The following SPACA1 variants were observed in gnomAD, a reference collection of about 807,000 sequenced individuals.
SPACA1 encodes sperm acrosome associated 1.
SPACA1 carries 17 observed loss-of-function variants against 32.6 expected under a neutral mutation model. That is an observed-to-expected ratio of 0.52 (90% CI 0.36 to 0.78). The LOEUF (loss-of-function observed/expected upper bound fraction) is 0.78, where lower values mean the gene tolerates loss of function less well. Ranked by LOEUF, SPACA1 falls within the 30% of genes least tolerant of loss-of-function variation. The probability of loss-of-function intolerance (pLI) is 0.01; values close to 1 mark genes in which losing one functional copy is unlikely to be tolerated. For synonymous variants in SPACA1, 140 were observed against 138.1 expected, an observed-to-expected ratio of 1.01 and a Z score of -0.10; for missense variants, 363 against 373.4, an observed-to-expected ratio of 0.97 and a Z score of 0.23.
intron 1 of SPACA1, among the ~76,000 whole-genome samples, chr6:88,051,854 T>G (rs1351128444): frequency 6.6e-6 from 1 of 152,246 alleles, no homozygotes; most frequent in African/African-American, 2.4e-5. Context: ...AATTCTGGAT[T>G]CAGTCAGCAT....
At chr6:88,053,883 AGG>A (rs1775766328) in intron 1 of SPACA1, 61 bp from the exon 2 acceptor site, 3 of 1,361,446 alleles carry the variant, frequency 2.2e-6, no homozygotes, top group Admixed American at 3.6e-5. Context: ...TCCAAGTAAG[AGG>A]TGTTTCACTT....
intron 2 of SPACA1, among the ~76,000 whole-genome samples, chr6:88,056,004 G>A (rs571167090): frequency 6.6e-6 from 1 of 152,078 alleles, no homozygotes; most frequent in African/African-American, 2.4e-5. Flanking sequence ...CAAAAAACCT[G>A]TTTTAAAAAT....
At chr6:88,064,963 T>G (rs1261641455) in intron 6 of SPACA1, among the ~76,000 whole-genome samples, 2 of 148,572 alleles carry the variant, frequency 1.3e-5, no homozygotes, top group Non-Finnish European at 3.0e-5. Flanking sequence ...TTACCTCATA[T>G]CTAAGAAGTG....
chr6:88,058,885 C>A, intron 4 of SPACA1, 63 bp downstream of exon 4: 2 of 1,096,726 alleles, frequency 1.8e-6, no homozygotes, highest in Non-Finnish European at 1.3e-6. Flanking sequence ...TTTCTCAGTT[C>A]TGATGGCTTT....
chr6:88,064,763 A>T (rs1480814596), intron 6 of SPACA1, among the ~76,000 whole-genome samples: 1 of 148,946 alleles, frequency 6.7e-6, no homozygotes, highest in East Asian at 1.9e-4. Context: ...TATATTGTAT[A>T]TACAATATAC....
intron 1 of SPACA1, 35 bp downstream of exon 1, chr6:88,048,148 G>A (rs1219366163): frequency 6.5e-7 from 1 of 1,547,898 alleles, no homozygotes. Flanking sequence ...GGCACGCGGA[G>A]GCCCCTGTTG....
chr6:88,064,357 C>A, intron 6 of SPACA1, 138 bp downstream of exon 6: 1 of 764,888 alleles, frequency 1.3e-6, no homozygotes, highest in South Asian at 2.8e-5. Flanking sequence ...TTCATTACTC[C>A]TGTGACTGCC....
At position 88,058,753 on chromosome 6, in the gene SPACA1, A is replaced by T; in HGVS notation, c.405A>T (p.Arg135Ser). 3 of 1,613,908 alleles carry T rather than the reference A, an allele frequency of 1.9e-6. No homozygotes were observed. Among genetic ancestry groups the T allele is most frequent in the Non-Finnish European group, 2.5e-6 (3 of 1,179,928 alleles). The change falls in exon 4 of 7, where the codon AGA becomes AGT. Residue 135 changes from arginine to serine, a missense_variant. By Grantham distance (110) the Arg-to-Ser change is moderately radical (BLOSUM62 -1). Coordinates refer to ENST00000237201, the MANE Select transcript of SPACA1 (RefSeq NM_030960.3). ...TTTCAGAAAGTCTTGAAAGTGTTAG[A>T]TTGGCATGTATTCACACATCTCCCT... is the stretch of plus-strand genomic sequence containing the variant. ...KPISESLESV[R>S]LACIHTSPLN...
intron 5 of SPACA1, among the ~76,000 whole-genome samples, chr6:88,063,433 T>C (rs892331836): frequency 3.9e-5 from 6 of 152,276 alleles, no homozygotes; most frequent in Admixed American, 3.9e-4. Context: ...AGTAAACAAA[T>C]CTTTACACAA....
At chr6:88,064,268 T>C in intron 6 of SPACA1, 49 bp downstream of exon 6, 1 of 1,566,570 alleles carries the variant, frequency 6.4e-7, no homozygotes, top group Non-Finnish European at 8.7e-7. Flanking sequence ...CATCCTCTTC[T>C]TCCCCCTCCT....
chr6:88,066,273 C>G lies in SPACA1; in HGVS notation c.823C>G (p.Leu275Val), dbSNP rs780640791. ...SSVRYKDSTSLDQLPTEMPGE... is the reference protein window; with the variant it reads ...SSVRYKDSTSVDQLPTEMPGE... ...TGTGAGATACAAAGATTCAACTTCT[C>G]TTGACCAATTACCAACAGAAATGCC... The change falls in exon 7 of 7, where the codon CTT becomes GTT. Residue 275 changes from leucine to valine, a missense_variant. Physicochemically the swap from Leu to Val is conservative, Grantham distance 32. Transcript: ENST00000237201. 1.2e-6 allele frequency: 2 copies of G among 1,612,456 alleles called. No homozygotes were observed. Among genetic ancestry groups the G allele is most frequent in the African/African-American group, 2.7e-5 (2 of 74,876 alleles).
intron 2 of SPACA1, among the ~76,000 whole-genome samples, chr6:88,056,491 G>A (rs1056265153): frequency 4.6e-5 from 7 of 151,984 alleles, no homozygotes; most frequent in African/African-American, 1.7e-4. Flanking sequence ...ACTATTCAAC[G>A]TGCGGTCCAC....
At chr6:88,058,863 T>C (rs760161761) in intron 4 of SPACA1, 41 bp downstream of exon 4, 3 of 1,370,120 alleles carry the variant, frequency 2.2e-6, no homozygotes, top group African/African-American at 2.9e-5. Context: ...TTCTAGTGAG[T>C]GATAAAATTT....
chr6:88,055,291 G>A (rs138862423), intron 2 of SPACA1, among the ~76,000 whole-genome samples: 1 of 152,178 alleles, frequency 6.6e-6, no homozygotes, highest in African/African-American at 2.4e-5. Flanking sequence ...TGCCTACTAT[G>A]TGCCAGGCAT....
At chr6:88,058,005 T>C (rs533322433) in intron 3 of SPACA1, among the ~76,000 whole-genome samples, 1 of 152,336 alleles carries the variant, frequency 6.6e-6, no homozygotes, top group African/African-American at 2.4e-5. Flanking sequence ...CGAAATGCTT[T>C]TGATGCTTTG....
At chr6:88,048,142 C>CG (rs1350651648) in intron 1 of SPACA1, 29 bp downstream of exon 1, 13 of 1,554,434 alleles carry the variant, frequency 8.4e-6, no homozygotes, top group Non-Finnish European at 8.7e-6. Context: ...TTGCGGGGCA[C>CG]GCGGAGGCCC....
At chr6:88,050,361 T>C (rs1775710932) in intron 1 of SPACA1, among the ~76,000 whole-genome samples, 1 of 152,250 alleles carries the variant, frequency 6.6e-6, no homozygotes, top group South Asian at 2.1e-4. Flanking sequence ...TCATCTAGTA[T>C]ATTCATCCAA....
intron 1 of SPACA1, among the ~76,000 whole-genome samples, chr6:88,053,113 A>G (rs1775755467): frequency 6.6e-6 from 1 of 152,256 alleles, no homozygotes; most frequent in African/African-American, 2.4e-5. Context: ...ACTAAGCCTG[A>G]CAGCATTTAA....
At position 88,061,382 on chromosome 6, in the gene SPACA1, A is replaced by C. The variant is rs80272655; in HGVS notation, c.610+1794A>C. 5.4e-3 allele frequency among the ~76,000 whole-genome samples: 826 copies of C among 152,186 alleles called. 6 individuals are homozygous for C. The highest frequency in any genetic ancestry group is 0.018 in the African/African-American group (763 of 41,514). On this transcript the variant is annotated intron_variant, in intron 5 of 6. Coordinates refer to ENST00000237201, the MANE Select transcript of SPACA1 (RefSeq NM_030960.3). Reference sequence around the variant, plus strand: ...CTAGAGCAGAGTGGGCCTTTAATCCAATATAACTGGTGCCCTCATAAGAAG... The same window carrying C: ...CTAGAGCAGAGTGGGCCTTTAATCCCATATAACTGGTGCCCTCATAAGAAG...
Sources: allele counts gnomAD v4.1 joint callset (sites outside exome capture counted in the v4.1 genomes callset), GRCh38; gene constraint gnomAD v4.1.1; transcripts MANE v1.5; gene names NCBI Gene and HGNC (gene_info 2026-07-23, HGNC 2026-07-21).